The following GRID1 variants were observed in gnomAD, a reference collection of about 807,000 sequenced individuals.
The protein encoded by GRID1 is glutamate receptor ionotropic, delta-1.
In GRID1, 28 loss-of-function variants were observed where a neutral mutation model predicts 98.0. The ratio of observed to expected loss-of-function variants is 0.29; its 90% confidence interval spans 0.21 to 0.39. The LOEUF is 0.39. Among genes scored for constraint, GRID1 ranks in the 10% least tolerant of loss-of-function variants. GRID1 has a pLI of 1.00. For synonymous variants in GRID1, 553 were observed against 538.5 expected (o/e 1.03, Z -0.37); for missense variants, 1,111 against 1,340.5 (o/e 0.83, Z 2.67).
At chr10:85,771,125 C>T (rs1230803073) in intron 8 of GRID1, among the ~76,000 whole-genome samples, 3 of 152,206 alleles carry the variant, frequency 2.0e-5, no homozygotes, top group Admixed American at 6.5e-5. Context: ...TCGGATCTCT[C>T]GGCAGAAACT....
chr10:86,114,619 C>A (rs948019265), intron 4 of GRID1, among the ~76,000 whole-genome samples: 3 of 152,174 alleles, frequency 2.0e-5, no homozygotes, highest in African/African-American at 4.8e-5. Flanking sequence ...TGCAGACCTG[C>A]CAGTTGGAAA....
At position 85,916,567 on chromosome 10, in the gene GRID1, T is replaced by G. The variant is rs1589297931; in HGVS notation, c.727-328A>C. Reference sequence around the variant, plus strand: ...CTAGGAATGCCTGCAAACACCTTTCTGCAGGGGCGCTTAGGGGATGAGTGT... The same window carrying G: ...CTAGGAATGCCTGCAAACACCTTTCGGCAGGGGCGCTTAGGGGATGAGTGT... On this transcript the variant is annotated intron_variant, in intron 4 of 15. Transcript: ENST00000327946. The surrounding 1 kb of genome is among the most constrained non-coding windows in gnomAD (Gnocchi z 4.0). 6.6e-6 allele frequency among the ~76,000 whole-genome samples: 1 copy of G among 152,180 alleles called. No individual in the cohort carries two copies. The highest frequency in any genetic ancestry group is 1.5e-5 in the Non-Finnish European group (1 of 68,024).
intron 8 of GRID1, among the ~76,000 whole-genome samples, chr10:85,759,887 A>G (rs1288349836): frequency 1.3e-5 from 2 of 152,214 alleles, no homozygotes; most frequent in African/African-American, 2.4e-5. Context: ...AATACAGCAA[A>G]AGTATCTTCC....
At chr10:85,879,241 G>A (rs1039897008) in intron 5 of GRID1, among the ~76,000 whole-genome samples, 23 of 152,140 alleles carry the variant, frequency 1.5e-4, no homozygotes, top group Non-Finnish European at 2.9e-4. Flanking sequence ...GGATACCCAG[G>A]AATTGAACTC....
chr10:85,955,792 C>T (rs953102444), intron 4 of GRID1, among the ~76,000 whole-genome samples: 1 of 152,170 alleles, frequency 6.6e-6, no homozygotes, highest in Admixed American at 6.5e-5. Context: ...CTGCCACAGT[C>T]ACAGTGGACA....
At chr10:85,619,823 T>TA (rs1471769120) in intron 14 of GRID1, 44 bp downstream of exon 14, 1 of 1,504,428 alleles carries the variant, frequency 6.6e-7, no homozygotes, top group East Asian at 2.3e-5. Flanking sequence ...CCTTGACCAC[T>TA]AGAGTCCTGA....
In GRID1 at chr10:86,180,544, T is replaced by C. The variant is rs115535558; in HGVS notation, c.520+25820A>G. 4.6e-3 allele frequency among the ~76,000 whole-genome samples: 704 copies of C among 152,172 alleles called. 9 individuals are homozygous for C. The highest frequency in any genetic ancestry group is 0.016 in the African/African-American group (656 of 41,522). ...TGAAGGACCAAGGTTGCCAGCTCCA[T>C]GTGCTCCCTGTCCCAAGCTGGGCTG... On this transcript the variant is annotated intron_variant, in intron 3 of 15. Transcript: ENST00000327946.
chr10:86,364,251 G>C (rs1392547886), intron 1 of GRID1, among the ~76,000 whole-genome samples, 155 bp from the exon 2 acceptor site: 1 of 152,116 alleles, frequency 6.6e-6, no homozygotes, highest in Non-Finnish European at 1.5e-5. Context: ...AAGGCTCTCC[G>C]ATCTCCACCT....
At chr10:86,003,600 A>G (rs1033806548) in intron 4 of GRID1, among the ~76,000 whole-genome samples, 17 of 152,196 alleles carry the variant, frequency 1.1e-4, no homozygotes, top group African/African-American at 3.1e-4. Context: ...AGTACTTCCC[A>G]TATTCACCCA....
At chr10:85,735,113 A>G (rs187393051) in intron 8 of GRID1, among the ~76,000 whole-genome samples, 11 of 152,326 alleles carry the variant, frequency 7.2e-5, no homozygotes, top group Non-Finnish European at 1.5e-4. Context: ...TTTCATTTGT[A>G]CATGAGTGAG....
intron 2 of GRID1, among the ~76,000 whole-genome samples, chr10:86,297,744 C>T (rs1847615902): frequency 6.6e-6 from 1 of 152,186 alleles, no homozygotes; most frequent in African/African-American, 2.4e-5. Context: ...TTCACACAAA[C>T]CGTTATAAAA....
intron 3 of GRID1, among the ~76,000 whole-genome samples, chr10:86,141,546 G>A (rs1483089432): frequency 6.6e-6 from 1 of 152,212 alleles, no homozygotes; most frequent in Non-Finnish European, 1.5e-5. Context: ...CCAGCAGTGG[G>A]CAGCTGTGCT....
intron 2 of GRID1, among the ~76,000 whole-genome samples, chr10:86,307,949 C>T (rs1007997233): frequency 3.9e-5 from 6 of 152,160 alleles, no homozygotes; most frequent in Admixed American, 1.3e-4. Context: ...TCTACATATA[C>T]AATCTCCTGT....
chr10:85,851,935 C>T (rs979663668), intron 8 of GRID1, among the ~76,000 whole-genome samples: 1 of 152,004 alleles, frequency 6.6e-6, no homozygotes, highest in Non-Finnish European at 1.5e-5. Flanking sequence ...TAAGTTACCC[C>T]GATTTCCCAG....
At position 85,898,579 on chromosome 10, in the gene GRID1, T is replaced by C. The variant is rs539367071; in HGVS notation, c.780+17607A>G. 6.6e-5 allele frequency among the ~76,000 whole-genome samples: 10 copies of C among 152,258 alleles called. No homozygotes were observed. The South Asian group carries it at 1.9e-3, about 28-fold the overall frequency. ...TTCTTTATATACTTATTCTATAAGC[T>C]TTTTTCTATTTTTAAAATTTCTTTA... is the stretch of plus-strand genomic sequence containing the variant. On this transcript the variant is annotated intron_variant, in intron 5 of 15. Coordinates refer to ENST00000327946, the MANE Select transcript of GRID1 (RefSeq NM_017551.3).
intron 13 of GRID1, among the ~76,000 whole-genome samples, chr10:85,636,052 T>C (rs1843036872): frequency 6.6e-6 from 1 of 152,244 alleles, no homozygotes; most frequent in Non-Finnish European, 1.5e-5. Flanking sequence ...CACAATAGAC[T>C]TGATGCATAG....
chr10:85,647,579 T>C, intron 12 of GRID1, 182 bp from the exon 13 acceptor site: 1 of 590,920 alleles, frequency 1.7e-6, no homozygotes, highest in Non-Finnish European at 3.0e-6. Context: ...CAGCGCCTCA[T>C]TCAATTACAG....
intron 4 of GRID1, among the ~76,000 whole-genome samples, chr10:86,000,650 T>G (rs542066986): frequency 6.6e-6 from 1 of 152,174 alleles, no homozygotes; most frequent in Admixed American, 6.5e-5. Context: ...TTAACAACAG[T>G]GCAAAAGCAA....
intron 8 of GRID1, among the ~76,000 whole-genome samples, chr10:85,769,197 T>C (rs1005018659): frequency 6.6e-6 from 1 of 152,214 alleles, no homozygotes; most frequent in Non-Finnish European, 1.5e-5. Flanking sequence ...AATAAAATCA[T>C]GTCCTTTGCA....
Sources: gnomAD v4.1 joint callset for allele counts (sites outside exome capture counted in the v4.1 genomes callset) on GRCh38, gnomAD v4.1.1 for gene constraint, Gnocchi (gnomAD v3.1) non-coding constraint, MANE v1.5 for transcripts, NCBI Gene and HGNC (gene_info 2026-07-23, HGNC 2026-07-21) for gene names.